Variants in SH3GL2 observed in about 807,000 individuals in gnomAD.
SH3GL2 encodes the protein endophilin-A1.
In SH3GL2, 24 loss-of-function variants were observed where a neutral mutation model predicts 46.0. That is an observed-to-expected ratio of 0.52 (90% CI 0.38 to 0.73). SH3GL2 has a LOEUF of 0.73. SH3GL2 is among the 30% of genes least tolerant of loss of function. SH3GL2 has a pLI of 0.00. For synonymous variants in SH3GL2, 196 were observed against 147.1 expected (o/e 1.33, Z -2.40); for missense variants, 413 against 424.2 (o/e 0.97, Z 0.23).
intron 1 of SH3GL2, among the ~76,000 whole-genome samples, chr9:17,681,291 C>T (rs1168803897): frequency 1.3e-5 from 2 of 152,150 alleles, no homozygotes; most frequent in Non-Finnish European, 2.9e-5. Context: ...TGGAAGACTA[C>T]TACAGTGAGT....
At chr9:17,705,906 C>A (rs1018755060) in intron 1 of SH3GL2, among the ~76,000 whole-genome samples, 1 of 151,904 alleles carries the variant, frequency 6.6e-6, no homozygotes, top group African/African-American at 2.4e-5. Flanking sequence ...ATGCAATTTA[C>A]CCATGTAACA....
intron 1 of SH3GL2, among the ~76,000 whole-genome samples, chr9:17,615,155 G>A (rs941790): frequency 0.15 from 23,002 of 152,194 alleles, 1,720 homozygotes; most frequent in Middle Eastern, 0.24. Flanking sequence ...GCACAATTTG[G>A]TGAATCAAAG....
intron 1 of SH3GL2, among the ~76,000 whole-genome samples, chr9:17,605,948 G>A (rs1408823955): frequency 2.0e-5 from 3 of 152,112 alleles, no homozygotes; most frequent in Non-Finnish European, 4.4e-5. Context: ...AAGTCAACAC[G>A]TTATTTTTTG....
intron 1 of SH3GL2, among the ~76,000 whole-genome samples, chr9:17,718,885 G>A (rs1821825211): frequency 6.6e-6 from 1 of 152,120 alleles, no homozygotes; most frequent in Non-Finnish European, 1.5e-5. Flanking sequence ...GTGACCATGT[G>A]ATATAAGGAG....
intron 3 of SH3GL2, among the ~76,000 whole-genome samples, chr9:17,764,097 G>C (rs1252559184): frequency 6.6e-6 from 1 of 152,182 alleles, no homozygotes; most frequent in Non-Finnish European, 1.5e-5. Context: ...GACTATTTGA[G>C]AGTTGAATGG....
intron 2 of SH3GL2, among the ~76,000 whole-genome samples, chr9:17,749,913 C>T (rs551846856): frequency 6.6e-6 from 1 of 152,122 alleles, no homozygotes; most frequent in Non-Finnish European, 1.5e-5. Flanking sequence ...AATATAGATA[C>T]TCCTGCAGCA....
At chr9:17,697,823 G>A (rs910054235) in intron 1 of SH3GL2, among the ~76,000 whole-genome samples, 6 of 152,168 alleles carry the variant, frequency 3.9e-5, no homozygotes, top group Non-Finnish European at 2.9e-5. Flanking sequence ...TCTCCCTGAT[G>A]ACTTGGCCTG....
chr9:17,793,450 C>T lies in SH3GL2; in HGVS notation c.812C>T (p.Thr271Ile), dbSNP rs1371291515. The T allele has an allele frequency of 2.5e-6, 4 of 1,611,760 alleles. No homozygotes were observed. In the East Asian group the frequency reaches 8.9e-5, roughly 36 times the overall value. ...CTGGAGTTTCCAACTGGAGACAGTA[C>T]TCAGCCCAATGGGGGTCTCTCCCAC... ...MSLEFPTGDS[T>I]QPNGGLSHTG... Residue 271 changes from threonine (T) to isoleucine (I), a missense_variant, in exon 8 of 9, where the codon ACT (threonine) becomes ATT (isoleucine). Thr to Ile is a moderately conservative substitution (Grantham distance 89). Coordinates refer to ENST00000380607, the MANE Select transcript of SH3GL2 (RefSeq NM_003026.5).
At chr9:17,686,491 T>C (rs1471265905) in intron 1 of SH3GL2, among the ~76,000 whole-genome samples, 1 of 145,980 alleles carries the variant, frequency 6.9e-6, no homozygotes, top group Admixed American at 7.4e-5. Context: ...CATGCACACG[T>C]ATGTTTATTG....
At chr9:17,585,058 AAGGG>A (rs1269637133) in intron 1 of SH3GL2, among the ~76,000 whole-genome samples, 1 of 152,138 alleles carries the variant, frequency 6.6e-6, no homozygotes, top group African/African-American at 2.4e-5. Flanking sequence ...GTCATTGTGG[AAGGG>A]AGAGGTTTAA....
At chr9:17,611,337 A>G (rs1243402225) in intron 1 of SH3GL2, among the ~76,000 whole-genome samples, 2 of 151,684 alleles carry the variant, frequency 1.3e-5, no homozygotes, top group South Asian at 4.1e-4. Flanking sequence ...TTTTTTTTTC[A>G]TTTTTGCTTT....
intron 1 of SH3GL2, among the ~76,000 whole-genome samples, chr9:17,694,863 G>GTTTTATTTTTAT (rs1027858749): frequency 1.3e-5 from 2 of 152,140 alleles, no homozygotes; most frequent in African/African-American, 2.4e-5. Context: ...ACAGACTAGA[G>GTTTTATTTTTAT]TTTTATTTTT....
At chr9:17,698,364 T>A (rs1286220132) in intron 1 of SH3GL2, among the ~76,000 whole-genome samples, 4 of 152,218 alleles carry the variant, frequency 2.6e-5, no homozygotes, top group Non-Finnish European at 4.4e-5. Context: ...CTTTCCAGGC[T>A]GCTCTAACTT....
intron 1 of SH3GL2, among the ~76,000 whole-genome samples, chr9:17,666,588 T>G (rs1045942395): frequency 8.1e-6 from 1 of 123,318 alleles, no homozygotes; most frequent in African/African-American, 2.9e-5. Flanking sequence ...GTATATACAT[T>G]AAGTTTGCTT....
chr9:17,619,244 G>A (rs945164196), intron 1 of SH3GL2, among the ~76,000 whole-genome samples: 2 of 152,200 alleles, frequency 1.3e-5, no homozygotes, highest in South Asian at 4.1e-4. Context: ...CACAGCTGGA[G>A]TGGGCTGCTG....
intron 1 of SH3GL2, among the ~76,000 whole-genome samples, chr9:17,674,261 TTTTA>T (rs965883895): frequency 3.3e-5 from 5 of 152,156 alleles, no homozygotes; most frequent in Admixed American, 1.3e-4. Context: ...ATGTGTGTGA[TTTTA>T]TTTATTTATT....
chr9:17,632,080 C>A (rs543369004), intron 1 of SH3GL2, among the ~76,000 whole-genome samples: 4 of 152,026 alleles, frequency 2.6e-5, no homozygotes, highest in Admixed American at 2.6e-4. Context: ...ACATAATTTC[C>A]TCAATACATT....
chr9:17,667,765 A>G (rs547883852), intron 1 of SH3GL2, among the ~76,000 whole-genome samples: 2 of 152,132 alleles, frequency 1.3e-5, no homozygotes, highest in South Asian at 2.1e-4. Context: ...CCATTTTACA[A>G]TTTTGGCAGT....
intron 1 of SH3GL2, among the ~76,000 whole-genome samples, chr9:17,655,300 G>A (rs1214786421): frequency 6.6e-6 from 1 of 152,160 alleles, no homozygotes; most frequent in East Asian, 1.9e-4. Flanking sequence ...GGCAAGGGGT[G>A]TACGTGCTGT....
Sources: allele counts gnomAD v4.1 joint callset (sites outside exome capture counted in the v4.1 genomes callset), GRCh38; gene constraint gnomAD v4.1.1; transcripts MANE v1.5; gene names NCBI Gene and HGNC (gene_info 2026-07-23, HGNC 2026-07-21).